Variants in CCDC14 observed in about 807,000 individuals in gnomAD.
CCDC14 encodes the protein coiled-coil domain-containing protein 14.
A neutral mutation model predicts 81.4 loss-of-function variants in CCDC14; 71 were observed. The ratio of observed to expected loss-of-function variants is 0.87; its 90% CI spans 0.72 to 1.06. CCDC14 has a LOEUF of 1.06. Among genes scored for constraint, CCDC14 ranks in the 50% least tolerant of loss-of-function variants. The pLI, the probability that CCDC14 is intolerant of heterozygous loss-of-function variation, is 0.00. For missense variants in CCDC14, 1,046 were observed against 1,047.3 expected, an observed-to-expected ratio of 1.00 and a Z score of 0.02; for synonymous variants, 332 against 364.8, an observed-to-expected ratio of 0.91 and a Z score of 1.03.
At chr3:123,951,978 AG>A in intron 5 of CCDC14, among the ~76,000 whole-genome samples, 1 of 152,226 alleles carries the variant, frequency 6.6e-6, no homozygotes, top group Non-Finnish European at 1.5e-5. Context: ...GAAGGACTGC[AG>A]TTATATGACT....
intron 5 of CCDC14, among the ~76,000 whole-genome samples, chr3:123,952,200 T>C (rs2037061146): frequency 1.3e-5 from 2 of 152,196 alleles, no homozygotes; most frequent in African/African-American, 4.8e-5. Flanking sequence ...CACAAAACTT[T>C]TTCAGTCCCT....
At chr3:123,911,156 G>C (rs879041288), downstream of CCDC14, among the ~76,000 whole-genome samples, 1 of 152,162 alleles carries the variant, frequency 6.6e-6, no homozygotes, top group Admixed American at 6.5e-5. Context: ...GTATAACAGT[G>C]AGATTATTTC....
intron 9 of CCDC14, among the ~76,000 whole-genome samples, chr3:123,941,625 T>C (rs1430302911): frequency 2.0e-5 from 3 of 152,058 alleles, no homozygotes; most frequent in Non-Finnish European, 2.9e-5. Flanking sequence ...AAATTCTTCA[T>C]TTTTTAGTTA....
Position 123,947,211 on chromosome 3 carries a change from A to G in CCDC14, c.793T>C (p.Cys265Arg), listed in dbSNP as rs769059820. The G allele has an allele frequency of 1.9e-6, 3 of 1,614,004 alleles. No homozygotes were observed. The highest frequency in any genetic ancestry group is 2.5e-6 in the Non-Finnish European group (3 of 1,179,882). ...NSFNTSPGVP[C>R]SLPKTDISAI... ...GATATGTCAGTTTTGGGCAGGCTAC[A>G]TGGAACTCCAGGACTGGTATTAAAT... The change falls in exon 8 of 13, where the codon TGT becomes CGT. Residue 265 changes from cysteine (C) to arginine (R), a missense_variant. By Grantham distance (180) the Cys-to-Arg change is radical. Coordinates refer to ENST00000409697, the MANE Select transcript of CCDC14 (RefSeq NM_001366335.1).
At chr3:123,886,851 T>A in the CCDC14 span, among the ~76,000 whole-genome samples, 3 of 152,232 alleles carry the variant, frequency 2.0e-5, no homozygotes, top group Non-Finnish European at 2.9e-5. Flanking sequence ...AATATTATTC[T>A]TCATAATATT....
At chr3:123,960,729 T>A (rs192811224) in intron 1 of CCDC14, among the ~76,000 whole-genome samples, 2 of 152,370 alleles carry the variant, frequency 1.3e-5, no homozygotes, top group African/African-American at 4.8e-5. Context: ...GTTCTCTTAT[T>A]TAACCTTCTC....
Position 123,936,881 on chromosome 3 carries a change from C to T in CCDC14, c.1344-3126G>A, listed in dbSNP as rs562294500. Among the ~76,000 whole-genome samples, 3 of 152,120 alleles carry T rather than the reference C, an allele frequency of 2.0e-5. No individual in the cohort carries two copies. In the South Asian group the frequency reaches 6.2e-4, roughly 32 times the overall value. ...ACATATTCATCACCCCTAAAGTTTC[C>T]TCATAGCCCTTTTCATAACTCTCTC... On this transcript the variant is annotated intron_variant, in intron 9 of 12. Coordinates refer to ENST00000409697, the MANE Select transcript of CCDC14 (RefSeq NM_001366335.1).
At chr3:123,923,355 CCT>C (rs887634792) in intron 12 of CCDC14, among the ~76,000 whole-genome samples, 4 of 151,888 alleles carry the variant, frequency 2.6e-5, no homozygotes, top group African/African-American at 9.7e-5. Context: ...GAAAGTTTTT[CCT>C]CTAAGATCAA....
downstream of CCDC14, among the ~76,000 whole-genome samples, chr3:123,910,246 C>T (rs539875616): frequency 2.3e-4 from 35 of 152,256 alleles, 1 homozygote; most frequent in East Asian, 6.8e-3. Context: ...CTAATATGAT[C>T]TGCAGCGTGA....
At chr3:123,961,099 C>T in intron 1 of CCDC14, 45 bp downstream of exon 1, 1 of 1,493,636 alleles carries the variant, frequency 6.7e-7, no homozygotes, top group Non-Finnish European at 9.1e-7. Flanking sequence ...ACCCCCCTGT[C>T]CCTCTCCATC....
At chr3:123,953,610 T>G (rs1428890473) in intron 5 of CCDC14, 5 of 152,164 alleles carry the variant, frequency 3.3e-5, no homozygotes, top group African/African-American at 1.2e-4. Flanking sequence ...AGACCTGATA[T>G]ACATCAGTAG....
chr3:123,956,830 A>G (rs2037353077), intron 1 of CCDC14, 35 bp from the exon 2 acceptor site: 1 of 1,325,632 alleles, frequency 7.5e-7, no homozygotes, highest in Non-Finnish European at 1.0e-6. Flanking sequence ...ATAAACAAAT[A>G]TTTTTCTATT....
At chr3:123,906,112 G>A (rs2034301878) in intron 5 of CCDC14, among the ~76,000 whole-genome samples, 1 of 152,094 alleles carries the variant, frequency 6.6e-6, no homozygotes, top group Non-Finnish European at 1.5e-5. Context: ...GGTGGATCAT[G>A]AGGTCAGGAG....
chr3:123,956,093 T>A lies in CCDC14; in HGVS notation c.182A>T (p.Asp61Val), dbSNP rs570636221. ...GTCCCTCAGCAAAGAAGCACAACCA[T>A]CAAGCCCGTGTACAGTTTCAGCCTG... The part of the protein sequence containing the change: ...ESQAETVHGL[D>V]GCASLLRDIL... Residue 61 changes from aspartate (D) to valine (V), a missense_variant, in exon 4 of 13, where the codon GAT (aspartate) becomes GTT (valine). Coordinates refer to ENST00000409697, the MANE Select transcript of CCDC14 (RefSeq NM_001366335.1). 1 of 1,547,756 alleles carries A rather than the reference T, an allele frequency of 6.5e-7. No homozygotes were observed. The highest frequency in any genetic ancestry group is 2.5e-5 in the East Asian group (1 of 40,788).
At chr3:123,940,019 T>G (rs1224293883) in intron 9 of CCDC14, among the ~76,000 whole-genome samples, 1 of 151,674 alleles carries the variant, frequency 6.6e-6, no homozygotes, top group African/African-American at 2.4e-5. Flanking sequence ...GTAAATATTA[T>G]ATATATTTTA....
intron 12 of CCDC14, among the ~76,000 whole-genome samples, chr3:123,924,952 T>TACACAC (rs1437360998): frequency 1.5e-5 from 2 of 130,930 alleles, no homozygotes; most frequent in African/African-American, 6.8e-5. Flanking sequence ...TGTATACATA[T>TACACAC]ATACACACAC....
At chr3:123,953,777 C>A (rs534959968) in intron 5 of CCDC14, 1 of 152,062 alleles carries the variant, frequency 6.6e-6, no homozygotes, top group African/African-American at 2.4e-5. Flanking sequence ...CTCAAGGTAG[C>A]GTATTCTATA....
intron 5 of CCDC14, among the ~76,000 whole-genome samples, chr3:123,905,195 T>C (rs1450479585): frequency 6.6e-6 from 1 of 152,142 alleles, no homozygotes; most frequent in African/African-American, 2.4e-5. Flanking sequence ...GAATATACCA[T>C]AAAACTACTG....
downstream of CCDC14, among the ~76,000 whole-genome samples, chr3:123,911,575 CTGCTT>C (rs1439101405): frequency 6.6e-6 from 1 of 152,014 alleles, no homozygotes; most frequent in Non-Finnish European, 1.5e-5. Context: ...TTCCCTTACC[CTGCTT>C]TATTTTTCTT....
Sources: allele counts gnomAD v4.1 joint callset (sites outside exome capture counted in the v4.1 genomes callset), GRCh38; gene constraint gnomAD v4.1.1; transcripts MANE v1.5; gene names NCBI Gene and HGNC (gene_info 2026-07-23, HGNC 2026-07-21).